The following LAMC1 variants were observed in gnomAD, a reference collection of about 807,000 sequenced individuals.
LAMC1 encodes laminin subunit gamma 1.
Under a neutral mutation model 173.6 loss-of-function variants are expected in LAMC1, and 38 were observed. The ratio of observed to expected loss-of-function variants is 0.22; its 90% confidence interval spans 0.17 to 0.29. LAMC1 has a LOEUF of 0.29. Ranked by LOEUF, LAMC1 falls within the 10% of genes least tolerant of loss-of-function variation. The pLI, the probability that LAMC1 is intolerant of heterozygous loss-of-function variation, is 1.00. For synonymous variants in LAMC1, 746 were observed against 749.1 expected, an observed-to-expected ratio of 1.00 and a Z score of 0.07; for missense variants, 1,824 against 2,051.8, an observed-to-expected ratio of 0.89 and a Z score of 2.14.
At chr1:183,116,046 C>T (rs569177108) in intron 6 of LAMC1, among the ~76,000 whole-genome samples, 2 of 150,452 alleles carry the variant, frequency 1.3e-5, no homozygotes, top group South Asian at 2.1e-4. Context: ...AGGAGAATGG[C>T]GTGAACCTGG....
At position 183,143,415 on chromosome 1, in the gene LAMC1, A is replaced by G. The variant is rs1197219398; in HGVS notation, c.*625A>G. Reference sequence around the variant, plus strand: ...TGAGCCATCCGTGGGTCAGGATGCAATTATTTATAAAAGTCTCCAGGTGAA... The same window carrying G: ...TGAGCCATCCGTGGGTCAGGATGCAGTTATTTATAAAAGTCTCCAGGTGAA... On this transcript the variant is annotated 3_prime_UTR_variant, in exon 28 of 28. Coordinates refer to ENST00000258341, the MANE Select transcript of LAMC1 (RefSeq NM_002293.4). 3 of 152,602 alleles carry G rather than the reference A, an allele frequency of 2.0e-5. No homozygotes were observed. The highest frequency in any genetic ancestry group is 6.5e-5 in the Admixed American group (1 of 15,280). The allele number at this position is 152,602 out of a possible 1,614,324, so 9.5% of individuals were successfully genotyped here.
chr1:183,023,763 G>A lies in LAMC1; in HGVS notation c.47G>A (p.Arg16Gln). The change falls in exon 1 of 28, where the codon CGG becomes CAG. Residue 16 changes from arginine (R) to glutamine (Q), a missense_variant. Physicochemically the swap from Arg to Gln is conservative, Grantham distance 43. Transcript: ENST00000258341. ...RAAPALRPRG[R>Q]LWPVLAVLAA... Reference sequence around the variant, plus strand: ...GCGCCGGCCCTGCGGCCCCGGGGGCGGCTCTGGCCCGTGCTGGCCGTGCTG... The same window carrying A: ...GCGCCGGCCCTGCGGCCCCGGGGGCAGCTCTGGCCCGTGCTGGCCGTGCTG... The A allele has an allele frequency of 1.6e-6, 2 of 1,231,206 alleles. No individual in the cohort carries two copies. The highest frequency in any genetic ancestry group is 2.0e-6 in the Non-Finnish European group (2 of 978,390). 76.3% of individuals were successfully genotyped at this position (1,231,206 alleles called of 1,614,324 possible). A position where few individuals can be genotyped will look rare whatever the true frequency, so the allele number is the denominator to read the frequency against.
chr1:183,077,776 G>GTATATATATA lies in LAMC1; in HGVS notation c.419-25541_419-25532dup, dbSNP rs68083893. 1.5e-3 allele frequency among the ~76,000 whole-genome samples: 174 copies of GTATATATATA among 116,558 alleles called. 1 individual carries two copies. The highest frequency in any genetic ancestry group is 4.5e-3 in the African/African-American group (157 of 34,534). The allele number at this position is 116,558 out of a possible 152,430, so 76.5% of individuals were successfully genotyped here. On this transcript the variant is annotated intron_variant, in intron 1 of 27. Coordinates refer to ENST00000258341, the MANE Select transcript of LAMC1 (RefSeq NM_002293.4). ...TGAATAGTATTTTTATGGCCATTGT[G>GTATATATATA]TATATATATATATATATATACAGTA...
At chr1:183,046,187 T>A (rs1388354778) in intron 1 of LAMC1, among the ~76,000 whole-genome samples, 3 of 152,112 alleles carry the variant, frequency 2.0e-5, no homozygotes, top group Non-Finnish European at 2.9e-5. Flanking sequence ...CTTTTAAGGA[T>A]CTTCTGAAGT....
chr1:183,133,167 T>C (rs1200539502), intron 21 of LAMC1, among the ~76,000 whole-genome samples: 1 of 152,108 alleles, frequency 6.6e-6, no homozygotes, highest in Non-Finnish European at 1.5e-5. Flanking sequence ...CACCTCAGCC[T>C]CCCAAAGTGC....
chr1:183,126,973 C>A (rs190777942), intron 16 of LAMC1, among the ~76,000 whole-genome samples: 2 of 152,190 alleles, frequency 1.3e-5, no homozygotes, highest in African/African-American at 4.8e-5. Flanking sequence ...CATAACTTCT[C>A]TAATTGCTAA....
At chr1:183,098,925 C>T (rs1655761528) in intron 1 of LAMC1, among the ~76,000 whole-genome samples, 1 of 152,118 alleles carries the variant, frequency 6.6e-6, no homozygotes, top group African/African-American at 2.4e-5. Context: ...ATTTAATACA[C>T]GTTCATCTCT....
chr1:183,124,287 A>C (rs1656562468), intron 13 of LAMC1, among the ~76,000 whole-genome samples: 1 of 152,232 alleles, frequency 6.6e-6, no homozygotes, highest in African/African-American at 2.4e-5. Context: ...TGCCAAAACA[A>C]CATATATGAA....
At chr1:183,116,349 C>T (rs907686032) in intron 6 of LAMC1, among the ~76,000 whole-genome samples, 3 of 151,766 alleles carry the variant, frequency 2.0e-5, no homozygotes, top group African/African-American at 4.8e-5. Context: ...TGGTGGCGTG[C>T]GCCTGTAGTC....
chr1:183,031,529 C>T (rs1653850057), intron 1 of LAMC1, among the ~76,000 whole-genome samples: 1 of 152,114 alleles, frequency 6.6e-6, no homozygotes, highest in African/African-American at 2.4e-5. Flanking sequence ...GTTTTGAACT[C>T]CCGACCTCAG....
intron 10 of LAMC1, 81 bp from the exon 11 acceptor site, chr1:183,117,953 G>A: frequency 3.5e-6 from 3 of 866,736 alleles, no homozygotes; most frequent in Non-Finnish European, 5.7e-6. Flanking sequence ...GCATTGTTGG[G>A]GCATAAATGA....
intron 1 of LAMC1, 21 bp downstream of exon 1, chr1:183,024,155 C>G: frequency 1.3e-6 from 2 of 1,528,026 alleles, no homozygotes; most frequent in East Asian, 4.9e-5. Context: ...ACAGCCCCGT[C>G]CCCTGCTACT....
intron 1 of LAMC1, among the ~76,000 whole-genome samples, chr1:183,079,427 G>T (rs2102048649): frequency 6.6e-6 from 1 of 151,412 alleles, no homozygotes; most frequent in South Asian, 2.1e-4. Context: ...GCTAATTTTT[G>T]TATTTTTTGG....
chr1:183,081,640 G>A (rs1655280489), intron 1 of LAMC1, among the ~76,000 whole-genome samples: 1 of 152,034 alleles, frequency 6.6e-6, no homozygotes, highest in Non-Finnish European at 1.5e-5. Context: ...GAAAAATTAA[G>A]TCAAAAGTGC....
At chr1:183,097,119 T>G (rs6424885) in intron 1 of LAMC1, among the ~76,000 whole-genome samples, 78,425 of 151,952 alleles carry the variant, frequency 0.52, 20,915 homozygotes, top group South Asian at 0.65. Context: ...AACAGCTGGT[T>G]TGCAGCTGGA....
intron 10 of LAMC1, 39 bp downstream of exon 10, chr1:183,117,762 A>G (rs1479875822): frequency 1.9e-6 from 3 of 1,543,504 alleles, no homozygotes; most frequent in African/African-American, 1.4e-5. Flanking sequence ...CTTGACGAAC[A>G]TTGTGAAAGT....
chr1:183,108,325 C>G lies in LAMC1; in HGVS notation c.773C>G (p.Thr258Ser). The part of the protein sequence containing the change: ...DIRVTLNRLN[T>S]FGDEVFNDPK... Reference sequence around the variant, plus strand: ...AGAGTAACTCTTAATCGCCTGAACACTTTTGGAGATGAAGTGTTTAACGAT... The same window carrying G: ...AGAGTAACTCTTAATCGCCTGAACAGTTTTGGAGATGAAGTGTTTAACGAT... Residue 258 changes from threonine (T) to serine (S), a missense_variant, in exon 3 of 28, where the codon ACT becomes AGT. Thr to Ser is a moderately conservative substitution (Grantham distance 58, BLOSUM62 1). Transcript: ENST00000258341. The G allele has an allele frequency of 6.2e-7, 1 of 1,613,588 alleles. No homozygotes were observed. Among genetic ancestry groups the G allele is most frequent in the Non-Finnish European group, 8.5e-7 (1 of 1,179,600 alleles).
At chr1:183,074,916 T>C (rs1246268486) in intron 1 of LAMC1, among the ~76,000 whole-genome samples, 1 of 152,104 alleles carries the variant, frequency 6.6e-6, no homozygotes, top group Non-Finnish European at 1.5e-5. Context: ...TTGGCCTTCA[T>C]CTCATTTAGT....
At chr1:183,029,791 G>C (rs1343824667) in intron 1 of LAMC1, among the ~76,000 whole-genome samples, 1 of 152,148 alleles carries the variant, frequency 6.6e-6, no homozygotes, top group Non-Finnish European at 1.5e-5. Context: ...CGAGTCAGGG[G>C]TTTAGTAATC....
Sources: gnomAD v4.1 joint callset for allele counts (sites outside exome capture counted in the v4.1 genomes callset) on GRCh38, gnomAD v4.1.1 for gene constraint, MANE v1.5 for transcripts, NCBI Gene and HGNC (gene_info 2026-07-23, HGNC 2026-07-21) for gene names.